Variants in SORCS3 observed in about 807,000 individuals in gnomAD.
SORCS3 encodes the protein VPS10 domain-containing receptor SorCS3.
SORCS3 carries 57 observed loss-of-function variants against 146.3 expected under a neutral mutation model. The ratio of observed to expected loss-of-function variants is 0.39; its 90% CI spans 0.31 to 0.49. The LOEUF (loss-of-function observed/expected upper bound fraction) is 0.49. SORCS3 is among the 20% of genes least tolerant of loss of function. The pLI, the probability that SORCS3 is intolerant of heterozygous loss-of-function variation, is 0.92. For synonymous variants in SORCS3, 653 were observed against 618.5 expected (o/e 1.06, Z -0.83); for missense variants, 1,341 against 1,575.5 (o/e 0.85, Z 2.52).
chr10:105,230,288 G>C (rs2056759015), intron 20 of SORCS3, among the ~76,000 whole-genome samples: 1 of 152,072 alleles, frequency 6.6e-6, no homozygotes, highest in African/African-American at 2.4e-5. Flanking sequence ...GGTAGACAGT[G>C]GTAGGGTGAT....
rs2056966788 is a variant in SORCS3 at position 105,262,420 on chromosome 10, C to T, written c.3533C>T (p.Pro1178Leu). 1.2e-6 allele frequency: 2 copies of T among 1,614,048 alleles called. No individual in the cohort carries two copies. Among genetic ancestry groups the T allele is most frequent in the Middle Eastern group, 1.6e-4 (1 of 6,062 alleles). The change falls in exon 26 of 27, where the codon CCC becomes CTC. Residue 1178 changes from proline to leucine, a missense_variant. Transcript: ENST00000369701. ...IGSVSQSENA[P>L]KITLSDFTEP... is the part of the protein sequence containing the mutation. ...TCAGTGAGCCAAAGTGAAAACGCCC[C>T]CAAAATCACACTCAGTGACTTTACG...
At chr10:105,069,445 C>T (rs1487921635) in intron 5 of SORCS3, among the ~76,000 whole-genome samples, 1 of 152,180 alleles carries the variant, frequency 6.6e-6, no homozygotes, top group Non-Finnish European at 1.5e-5. Flanking sequence ...GCTTCAGTTT[C>T]CTCATCAGCC....
At chr10:104,924,477 C>T (rs915420006) in intron 3 of SORCS3, among the ~76,000 whole-genome samples, 2 of 152,182 alleles carry the variant, frequency 1.3e-5, no homozygotes, top group Admixed American at 6.5e-5. Flanking sequence ...TCTCAGTACT[C>T]CACTCTCAAA....
chr10:104,886,566 CTAT>C lies in SORCS3; in HGVS notation c.696-29266_696-29264del, dbSNP rs201975018. On this transcript the variant is annotated intron_variant, in intron 2 of 26. Coordinates refer to ENST00000369701, the MANE Select transcript of SORCS3 (RefSeq NM_014978.3). ...ATATATAACTCTATCATCTATCTATCTATCTATCTATCTATCTATCTATCTATC... is the reference window on the plus strand; with the variant it reads ...ATATATAACTCTATCATCTATCTATCCTATCTATCTATCTATCTATCTATC... Among the ~76,000 whole-genome samples, 779 of 149,622 alleles carry C rather than the reference CTAT, an allele frequency of 5.2e-3. 9 individuals are homozygous for C. The highest frequency in any genetic ancestry group is 0.018 in the South Asian group (85 of 4,740).
chr10:105,110,355 A>G (rs560603646), intron 7 of SORCS3, among the ~76,000 whole-genome samples: 63 of 152,030 alleles, frequency 4.1e-4, no homozygotes, highest in Admixed American at 8.5e-4. Flanking sequence ...TATTTGCTCT[A>G]TGGAAGCATA....
At chr10:104,782,673 C>A (rs1363972184) in intron 1 of SORCS3, among the ~76,000 whole-genome samples, 1 of 152,124 alleles carries the variant, frequency 6.6e-6, no homozygotes, top group Admixed American at 6.5e-5. Context: ...AGGAAGTGCC[C>A]TGGGCCAAGA....
intron 1 of SORCS3, among the ~76,000 whole-genome samples, chr10:104,720,294 A>G (rs538644877): frequency 1.7e-4 from 26 of 152,306 alleles, no homozygotes; most frequent in Non-Finnish European, 2.2e-4. Flanking sequence ...TGTCCCTACA[A>G]AGGATGTGAC....
intron 5 of SORCS3, among the ~76,000 whole-genome samples, chr10:105,053,487 A>G (rs2055426565): frequency 6.6e-6 from 1 of 152,048 alleles, no homozygotes; most frequent in Non-Finnish European, 1.5e-5. Flanking sequence ...CATTCAAGGG[A>G]AGGCAAGAAA....
At chr10:104,941,992 C>T (rs563621223) in intron 3 of SORCS3, among the ~76,000 whole-genome samples, 1 of 152,132 alleles carries the variant, frequency 6.6e-6, no homozygotes, top group Non-Finnish European at 1.5e-5. Flanking sequence ...AATAGATTAT[C>T]CTGTGTATTA....
At chr10:105,190,086 C>G (rs1389109547) in intron 14 of SORCS3, among the ~76,000 whole-genome samples, 1 of 152,184 alleles carries the variant, frequency 6.6e-6, no homozygotes, top group Non-Finnish European at 1.5e-5. Context: ...GAGAGCATCC[C>G]ATTGCCCATA....
At chr10:104,797,559 T>G (rs1004382820) in intron 1 of SORCS3, among the ~76,000 whole-genome samples, 13 of 152,116 alleles carry the variant, frequency 8.5e-5, no homozygotes, top group African/African-American at 3.1e-4. Flanking sequence ...ACAATATTGT[T>G]TGTAATTGTT....
At chr10:104,790,241 A>G (rs1328725499) in intron 1 of SORCS3, among the ~76,000 whole-genome samples, 1 of 152,260 alleles carries the variant, frequency 6.6e-6, no homozygotes, top group East Asian at 1.9e-4. Flanking sequence ...CCAGAAGCGC[A>G]TTAACTTAGG....
chr10:105,209,111 GATGTAATGCAATC>G (rs939338221), intron 16 of SORCS3, among the ~76,000 whole-genome samples: 2 of 152,136 alleles, frequency 1.3e-5, no homozygotes, highest in African/African-American at 2.4e-5. Context: ...TGCAGAGATA[GATGTAATGCAATC>G]ATGTAATGCA....
At chr10:104,752,025 A>T (rs1297382406) in intron 1 of SORCS3, among the ~76,000 whole-genome samples, 1 of 137,490 alleles carries the variant, frequency 7.3e-6, no homozygotes, top group East Asian at 2.3e-4. Context: ...AAGCTCTGTT[A>T]AGCACAGTCT....
At chr10:105,016,195 A>G (rs1439608943) in intron 4 of SORCS3, among the ~76,000 whole-genome samples, 2 of 128,872 alleles carry the variant, frequency 1.6e-5, no homozygotes, top group Admixed American at 8.2e-5. Context: ...CTCTGTCGCC[A>G]GGCTGGAATG....
At chr10:104,667,086 T>G (rs1391629312) in intron 1 of SORCS3, among the ~76,000 whole-genome samples, 2 of 152,114 alleles carry the variant, frequency 1.3e-5, no homozygotes, top group East Asian at 3.9e-4. Flanking sequence ...TTGTGGTAGG[T>G]GTCATGAAGA....
intron 2 of SORCS3, among the ~76,000 whole-genome samples, chr10:104,888,465 A>G (rs2018715158): frequency 6.6e-6 from 1 of 152,192 alleles, no homozygotes; most frequent in African/African-American, 2.4e-5. Flanking sequence ...GTTTCTAAAA[A>G]CATGTGATCT....
At chr10:104,845,298 G>A (rs558241963) in intron 2 of SORCS3, among the ~76,000 whole-genome samples, 1 of 152,208 alleles carries the variant, frequency 6.6e-6, no homozygotes, top group South Asian at 2.1e-4. Flanking sequence ...TCACATCTAA[G>A]CTTGTAGAGA....
chr10:104,853,385 C>T (rs185976439), intron 2 of SORCS3, among the ~76,000 whole-genome samples: 1 of 152,278 alleles, frequency 6.6e-6, no homozygotes, highest in East Asian at 1.9e-4. Flanking sequence ...TTTTTGGTTG[C>T]AAGTAACAGA....
Sources: allele counts gnomAD v4.1 joint callset (sites outside exome capture counted in the v4.1 genomes callset), GRCh38; gene constraint gnomAD v4.1.1; transcripts MANE v1.5; gene names NCBI Gene and HGNC (gene_info 2026-07-23, HGNC 2026-07-21).